The following CWC27 variants were observed in gnomAD, a reference collection of about 807,000 sequenced individuals.
CWC27 encodes spliceosome-associated protein CWC27 homolog.
CWC27 carries 47 observed loss-of-function variants against 63.6 expected under a neutral mutation model. The ratio of observed to expected loss-of-function variants is 0.74; its 90% CI spans 0.58 to 0.94. The LOEUF is 0.94. CWC27 is among the 40% of genes least tolerant of loss of function. CWC27 has a pLI of 0.00. For synonymous variants in CWC27, 175 were observed against 179.8 expected (o/e 0.97, Z 0.22); for missense variants, 495 against 554.3 (o/e 0.89, Z 1.07).
At chr5:64,801,608 T>C (rs1744492070) in intron 9 of CWC27, among the ~76,000 whole-genome samples, 1 of 152,070 alleles carries the variant, frequency 6.6e-6, no homozygotes, top group African/African-American at 2.4e-5. Context: ...CACATAACAT[T>C]ACGTTAATAC....
chr5:65,017,975 TG>T (rs1320351944), intron 13 of CWC27, among the ~76,000 whole-genome samples, 183 bp from the exon 14 acceptor site: 1 of 152,224 alleles, frequency 6.6e-6, no homozygotes, highest in African/African-American at 2.4e-5. Flanking sequence ...ACTCCAGACA[TG>T]TTTTTCAAAT....
intron 11 of CWC27, among the ~76,000 whole-genome samples, chr5:64,889,866 T>G (rs917461758): frequency 2.8e-4 from 42 of 152,280 alleles, no homozygotes; most frequent in African/African-American, 9.6e-4. Context: ...AAGGTTGTTG[T>G]GGGGGGTGGG....
chr5:64,806,054 GT>G (rs1245018926), intron 10 of CWC27, among the ~76,000 whole-genome samples: 2 of 151,866 alleles, frequency 1.3e-5, no homozygotes, highest in Non-Finnish European at 2.9e-5. Context: ...ATAGAGGAGT[GT>G]TTTGGGCTAT....
intron 10 of CWC27, among the ~76,000 whole-genome samples, chr5:64,835,084 CG>C (rs1745625012): frequency 6.6e-6 from 1 of 151,516 alleles, no homozygotes; most frequent in African/African-American, 2.4e-5. Context: ...TTTTTTCTTA[CG>C]GGTTTTACAT....
chr5:64,826,906 G>A (rs1191613039), intron 10 of CWC27, among the ~76,000 whole-genome samples: 2 of 151,700 alleles, frequency 1.3e-5, no homozygotes, highest in East Asian at 3.9e-4. Flanking sequence ...CAATTTTGTT[G>A]TCTCACCCTA....
chr5:64,905,524 A>G (rs1056770060), intron 11 of CWC27, among the ~76,000 whole-genome samples: 1 of 152,208 alleles, frequency 6.6e-6, no homozygotes, highest in Non-Finnish European at 1.5e-5. Context: ...GACTGAATGA[A>G]AAGAACAAAA....
At chr5:64,871,782 G>A (rs1746682011) in intron 10 of CWC27, among the ~76,000 whole-genome samples, 1 of 152,130 alleles carries the variant, frequency 6.6e-6, no homozygotes, top group Non-Finnish European at 1.5e-5. Flanking sequence ...GATTTGGGCA[G>A]GCATCTGTAC....
chr5:64,906,617 G>T (rs1747646877), intron 11 of CWC27, among the ~76,000 whole-genome samples: 1 of 152,142 alleles, frequency 6.6e-6, no homozygotes, highest in African/African-American at 2.4e-5. Flanking sequence ...CCATTCTGTA[G>T]GTTGCGTATT....
intron 10 of CWC27, among the ~76,000 whole-genome samples, chr5:64,825,734 G>A (rs1280160944): frequency 6.6e-6 from 1 of 152,116 alleles, no homozygotes; most frequent in African/African-American, 2.4e-5. Flanking sequence ...AGGATGGTTG[G>A]TTTTGTAAGT....
intron 10 of CWC27, among the ~76,000 whole-genome samples, chr5:64,834,361 C>T (rs557279645): frequency 3.3e-5 from 5 of 151,750 alleles, no homozygotes; most frequent in African/African-American, 1.2e-4. Flanking sequence ...GTATCATAAA[C>T]ACAAAGATAA....
intron 10 of CWC27, among the ~76,000 whole-genome samples, chr5:64,878,760 C>T (rs1011874497): frequency 5.9e-5 from 9 of 151,694 alleles, no homozygotes; most frequent in Non-Finnish European, 1.0e-4. Context: ...TGTACTGAAT[C>T]TCAAAGTTTG....
At chr5:64,971,916 C>A in intron 12 of CWC27, 104 bp downstream of exon 12, 1 of 569,234 alleles carries the variant, frequency 1.8e-6, no homozygotes, top group South Asian at 3.6e-5. Flanking sequence ...AGAAGCACTA[C>A]CTCTTAAAAA....
intron 4 of CWC27, 23 bp downstream of exon 4, chr5:64,784,002 C>G: frequency 6.5e-7 from 1 of 1,536,350 alleles, no homozygotes; most frequent in Non-Finnish European, 8.7e-7. Flanking sequence ...TGATTTTAAA[C>G]CTGTGGTTCA....
At chr5:64,992,658 C>G (rs141131302) in intron 13 of CWC27, among the ~76,000 whole-genome samples, 1 of 151,310 alleles carries the variant, frequency 6.6e-6, no homozygotes, top group African/African-American at 2.4e-5. Context: ...CAGCCTCCCA[C>G]GTAGCTGGGA....
intron 1 of CWC27, among the ~76,000 whole-genome samples, chr5:64,770,047 A>G (rs1262066034): frequency 6.6e-6 from 1 of 152,252 alleles, no homozygotes; most frequent in African/African-American, 2.4e-5. Context: ...GATTGGAAGT[A>G]TATAGTTGAA....
chr5:64,894,715 A>C (rs1747326381), intron 11 of CWC27, among the ~76,000 whole-genome samples: 2 of 152,214 alleles, frequency 1.3e-5, no homozygotes, highest in African/African-American at 4.8e-5. Context: ...AGGAATACTT[A>C]AACCAGGGAA....
chr5:64,801,750 A>G (rs146587636), intron 9 of CWC27, among the ~76,000 whole-genome samples: 1 of 152,290 alleles, frequency 6.6e-6, no homozygotes, highest in East Asian at 1.9e-4. Flanking sequence ...ACACATTTCA[A>G]AAGATTCTCA....
At chr5:64,911,815 C>G (rs559148279) in intron 11 of CWC27, among the ~76,000 whole-genome samples, 2 of 152,028 alleles carry the variant, frequency 1.3e-5, no homozygotes, top group South Asian at 4.1e-4. Context: ...TGGCTCAAGC[C>G]TGTAATCCCA....
chr5:64,983,285 T>G (rs1749361100), intron 13 of CWC27, among the ~76,000 whole-genome samples: 1 of 152,248 alleles, frequency 6.6e-6, no homozygotes, highest in South Asian at 2.1e-4. Context: ...GTTTTACATT[T>G]TTTTGTAAAT....
Sources: allele counts gnomAD v4.1 joint callset (sites outside exome capture counted in the v4.1 genomes callset), GRCh38; gene constraint gnomAD v4.1.1; transcripts MANE v1.5; gene names NCBI Gene and HGNC (gene_info 2026-07-23, HGNC 2026-07-21).